CNTNAP2: variants seen among roughly 807,000 people sequenced by gnomAD.
CNTNAP2 encodes contactin associated protein 2.
In CNTNAP2, 98 loss-of-function variants were observed where a neutral mutation model predicts 155.2. The observed-to-expected ratio is 0.63, with a 90% CI of 0.54 to 0.75. The LOEUF is 0.75. Ranked by LOEUF, CNTNAP2 falls within the 30% of genes least tolerant of loss-of-function variation. The pLI, the probability that CNTNAP2 is intolerant of heterozygous loss-of-function variation, is 0.00. For synonymous variants in CNTNAP2, 651 were observed against 631.2 expected (o/e 1.03, Z -0.47); for missense variants, 1,727 against 1,688.1 (o/e 1.02, Z -0.40).
At position 147,355,839 on chromosome 7, in the gene CNTNAP2, C is replaced by T. The variant is rs201667239; in HGVS notation, c.1499-39770C>T. ...GCCAAGGACCACACGAATTCACAAC[C>T]GAATTCTACCAGAGGTACAAAGAGG... On this transcript the variant is annotated intron_variant, in intron 9 of 23. Coordinates refer to ENST00000361727, the MANE Select transcript of CNTNAP2 (RefSeq NM_014141.6). 5.3e-5 allele frequency among the ~76,000 whole-genome samples: 8 copies of T among 152,174 alleles called. No homozygotes were observed. The East Asian group carries it at 1.2e-3, about 22-fold the overall frequency.
chr7:147,016,708 C>CTTCT (rs1461258031), intron 3 of CNTNAP2, among the ~76,000 whole-genome samples: 1 of 152,048 alleles, frequency 6.6e-6, no homozygotes, highest in Admixed American at 6.6e-5. Flanking sequence ...ACCCATATTG[C>CTTCT]TTCTTATAAG....
At chr7:146,920,766 T>C (rs1395237923) in intron 3 of CNTNAP2, among the ~76,000 whole-genome samples, 1 of 152,186 alleles carries the variant, frequency 6.6e-6, no homozygotes, top group African/African-American at 2.4e-5. Context: ...ACTTTGGAAA[T>C]GCCTTTGCAG....
chr7:148,189,877 G>A (rs1421289758), intron 18 of CNTNAP2: 2 of 152,124 alleles, frequency 1.3e-5, no homozygotes, highest in African/African-American at 2.4e-5. Flanking sequence ...CCTCACTCTT[G>A]CAGCTGGGTA....
At chr7:146,199,852 A>G (rs1308300963) in intron 1 of CNTNAP2, among the ~76,000 whole-genome samples, 4 of 152,288 alleles carry the variant, frequency 2.6e-5, no homozygotes, top group African/African-American at 7.2e-5. Flanking sequence ...CTTAAAGATC[A>G]TGAGCTGAAA....
chr7:147,684,385 A>C (rs1795990279), intron 13 of CNTNAP2, among the ~76,000 whole-genome samples: 1 of 151,880 alleles, frequency 6.6e-6, no homozygotes, highest in Non-Finnish European at 1.5e-5. Context: ...AGCCCCTACA[A>C]GGAACTTTAC....
At chr7:147,774,870 G>A (rs1405406247) in intron 13 of CNTNAP2, among the ~76,000 whole-genome samples, 1 of 152,010 alleles carries the variant, frequency 6.6e-6, no homozygotes. Flanking sequence ...TTACTTAAAG[G>A]ATAAGAAAAC....
At chr7:147,827,720 T>G (rs1354096532) in intron 13 of CNTNAP2, among the ~76,000 whole-genome samples, 1 of 152,092 alleles carries the variant, frequency 6.6e-6, no homozygotes, top group African/African-American at 2.4e-5. Flanking sequence ...TATAGTCTCA[T>G]AGAGCCCAAA....
At chr7:146,504,306 C>T (rs1797349788) in intron 1 of CNTNAP2, among the ~76,000 whole-genome samples, 1 of 152,188 alleles carries the variant, frequency 6.6e-6, no homozygotes, top group African/African-American at 2.4e-5. Flanking sequence ...CCAGCATAGG[C>T]CAGAGCCCAG....
intron 10 of CNTNAP2, among the ~76,000 whole-genome samples, chr7:147,410,488 T>C (rs1290387158): frequency 6.6e-6 from 1 of 152,174 alleles, no homozygotes; most frequent in Non-Finnish European, 1.5e-5. Flanking sequence ...CAAACACCCA[T>C]GACACTAGTT....
At chr7:147,884,980 G>A (rs1304564042) in intron 13 of CNTNAP2, among the ~76,000 whole-genome samples, 15 of 152,234 alleles carry the variant, frequency 9.9e-5, no homozygotes, top group African/African-American at 3.4e-4. Flanking sequence ...TGCATAAGCA[G>A]CGTCTTGCTC....
At chr7:147,601,314 G>T (rs1800938484) in intron 12 of CNTNAP2, among the ~76,000 whole-genome samples, 1 of 152,060 alleles carries the variant, frequency 6.6e-6, no homozygotes, top group East Asian at 1.9e-4. Context: ...AAAGGGAGAT[G>T]GGGTGGGGCC....
chr7:148,324,339 T>A (rs1463434075), intron 21 of CNTNAP2, among the ~76,000 whole-genome samples: 1 of 152,198 alleles, frequency 6.6e-6, no homozygotes, highest in East Asian at 1.9e-4. Context: ...CACCTTCTCC[T>A]GGCCTTCCTT....
intron 10 of CNTNAP2, among the ~76,000 whole-genome samples, chr7:147,437,927 G>A (rs560267109): frequency 6.6e-6 from 1 of 151,954 alleles, no homozygotes; most frequent in Admixed American, 6.6e-5. Context: ...ATCATTGTTG[G>A]CATATAGAAA....
intron 8 of CNTNAP2, among the ~76,000 whole-genome samples, chr7:147,255,038 G>A (rs1273050375): frequency 6.6e-6 from 1 of 152,082 alleles, no homozygotes; most frequent in South Asian, 2.1e-4. Context: ...AATTATGATG[G>A]GGAAAAAACC....
intron 1 of CNTNAP2, among the ~76,000 whole-genome samples, chr7:146,275,469 T>C (rs1008505953): frequency 9.9e-5 from 15 of 152,092 alleles, no homozygotes; most frequent in African/African-American, 3.4e-4. Context: ...AAGAATGATA[T>C]GATATAAAGA....
rs1797843224 is a variant in CNTNAP2, at chr7:146,535,253, GATATTATATCATATATATTATATATT to G, written c.98-239008_98-238983del. Among the ~76,000 whole-genome samples the G allele has an allele frequency of 4.9e-5, 2 of 41,180 alleles. 1 individual carries two copies. 27.0% of individuals were successfully genotyped at this position (41,180 alleles called of 152,430 possible). On this transcript the variant is annotated intron_variant, in intron 1 of 23. Coordinates refer to ENST00000361727, the MANE Select transcript of CNTNAP2 (RefSeq NM_014141.6). The stretch of plus-strand genomic sequence containing the variant: ...ATATTATATCATATATCATATATAT[GATATTATATCATATATATTATATATT>G]ATATTATATAATGTATATTATATAT...
At chr7:147,769,313 C>T (rs906339861) in intron 13 of CNTNAP2, among the ~76,000 whole-genome samples, 36 of 152,078 alleles carry the variant, frequency 2.4e-4, no homozygotes, top group African/African-American at 8.2e-4. Context: ...ATACTATGTT[C>T]GCTGGGAGCT....
intron 1 of CNTNAP2, among the ~76,000 whole-genome samples, chr7:146,439,080 A>T (rs528864088): frequency 2.0e-5 from 3 of 151,630 alleles, no homozygotes; most frequent in Non-Finnish European, 4.4e-5. Context: ...ACTAAAAAAA[A>T]GTACCGCCAC....
intron 22 of CNTNAP2, among the ~76,000 whole-genome samples, chr7:148,400,150 G>A (rs754364172): frequency 2.0e-5 from 3 of 152,182 alleles, no homozygotes; most frequent in Non-Finnish European, 4.4e-5. Flanking sequence ...AGCCTAAGGA[G>A]GTTCAGCAAC....
Sources: gnomAD v4.1 joint callset for allele counts (sites outside exome capture counted in the v4.1 genomes callset) on GRCh38, gnomAD v4.1.1 for gene constraint, MANE v1.5 for transcripts, NCBI Gene and HGNC (gene_info 2026-07-23, HGNC 2026-07-21) for gene names.